Variants in CYP3A4 observed in about 807,000 individuals in gnomAD.
CYP3A4 encodes cytochrome P450 family 3 subfamily A member 4.
In CYP3A4, 41 loss-of-function variants were observed where a neutral mutation model predicts 54.9. That is an observed-to-expected ratio of 0.75 (90% CI 0.58 to 0.97). The LOEUF is 0.97. Among genes scored for constraint, CYP3A4 ranks in the 50% least tolerant of loss-of-function variants. The pLI is 0.00. For missense variants in CYP3A4, 510 were observed against 597.3 expected (o/e 0.85, Z 1.52); for synonymous variants, 179 against 205.2 (o/e 0.87, Z 1.09).
chr7:99,762,534 A>ATG (rs1270861836), intron 10 of CYP3A4, among the ~76,000 whole-genome samples: 48 of 151,728 alleles, frequency 3.2e-4, no homozygotes, highest in Admixed American at 8.5e-4. Context: ...CCGTGTATAT[A>ATG]TGTCTATATA....
chr7:99,777,878 T>C (rs1238585702), intron 3 of CYP3A4, 150 bp downstream of exon 3: 2 of 700,402 alleles, frequency 2.9e-6, no homozygotes, highest in South Asian at 1.7e-5. Context: ...CAAATAAATA[T>C]CTTCTTCTTT....
intron 1 of CYP3A4, 165 bp from the exon 2 acceptor site, chr7:99,780,250 G>A: frequency 1.5e-6 from 1 of 672,884 alleles, no homozygotes; most frequent in Non-Finnish European, 2.5e-6. Context: ...TGTTCATCAG[G>A]TCCTTTCCTG....
At chr7:99,770,014 C>G (rs1815587875) in intron 5 of CYP3A4, 108 bp downstream of exon 5, 2 of 1,524,960 alleles carry the variant, frequency 1.3e-6, no homozygotes, top group Non-Finnish European at 1.8e-6. Context: ...TTAGGCAGCT[C>G]AAATTCAGTG....
At position 99,772,572 on chromosome 7, in the gene CYP3A4, C is replaced by G. The variant is rs755118922; in HGVS notation, c.318+18G>C. 6.2e-7 allele frequency: 1 copy of G among 1,611,128 alleles called. No homozygotes were observed. Among genetic ancestry groups the G allele is most frequent in the Non-Finnish European group, 8.5e-7 (1 of 1,179,008 alleles). On this transcript the variant is annotated intron_variant, in intron 4 of 12. Coordinates refer to ENST00000651514, the MANE Select transcript of CYP3A4 (RefSeq NM_017460.6). ...ATTTAATCAATCAGTATTTTAATTTCAACACATGAATGCTTACCCTCCGGT... is the reference window on the plus strand; with the variant it reads ...ATTTAATCAATCAGTATTTTAATTTGAACACATGAATGCTTACCCTCCGGT...
intron 1 of CYP3A4, among the ~76,000 whole-genome samples, chr7:99,782,546 A>C (rs1323552573): frequency 6.6e-6 from 1 of 152,158 alleles, no homozygotes; most frequent in Non-Finnish European, 1.5e-5. Flanking sequence ...CCACACACAG[A>C]GTGACACAGA....
chr7:99,772,746 C>T, intron 3 of CYP3A4, 57 bp from the exon 4 acceptor site: 3 of 1,581,072 alleles, frequency 1.9e-6, no homozygotes, highest in African/African-American at 1.3e-5. Context: ...ACAGCTGGAG[C>T]CCAACCCAGG....
At chr7:99,773,924 A>T (rs1319489492) in intron 3 of CYP3A4, among the ~76,000 whole-genome samples, 1 of 152,186 alleles carries the variant, frequency 6.6e-6, no homozygotes, top group East Asian at 1.9e-4. Context: ...TTTTTGAAAA[A>T]GGTCAACAAA....
chr7:99,771,900 C>G (rs140728632), intron 4 of CYP3A4, among the ~76,000 whole-genome samples: 2 of 152,020 alleles, frequency 1.3e-5, no homozygotes, highest in African/African-American at 4.8e-5. Context: ...AAAAAATGAA[C>G]CTTGATCTAA....
rs780010841 is a variant in CYP3A4, at chr7:99,758,177, C to A, written c.1468G>T (p.Val490Phe). 9.9e-6 allele frequency: 16 copies of A among 1,613,886 alleles called. No homozygotes were observed. The highest frequency in any genetic ancestry group is 6.7e-5 in the African/African-American group (5 of 74,914). The change falls in exon 13 of 13, where the codon GTT becomes TTT. Residue 490 changes from valine to phenylalanine, a missense_variant. Physicochemically the swap from Val to Phe is conservative, Grantham distance 50. This residue lies in a region of CYP3A4 where 238 missense variants were observed against 322.5 expected (regional missense o/e 0.74). Coordinates refer to ENST00000651514, the MANE Select transcript of CYP3A4 (RefSeq NM_017460.6). Reference protein sequence around the residue: ...GGLLQPEKPVVLKVESRDGTV... With the variant: ...GGLLQPEKPVFLKVESRDGTV... ...CCATCCCTTGACTCAACCTTTAGAA[C>A]AACGGGTTTTTCTGGTTGAAGAAGT... is the stretch of plus-strand genomic sequence containing the variant.
At chr7:99,772,461 G>C (rs1815658816) in intron 4 of CYP3A4, 129 bp downstream of exon 4, 3 of 1,092,192 alleles carry the variant, frequency 2.7e-6, no homozygotes, top group Non-Finnish European at 2.7e-6. Context: ...TTACCATTCG[G>C]GGGGGACAGG....
In CYP3A4 at chr7:99,760,962, C is replaced by T. The variant is rs1255063815; in HGVS notation, c.1273G>A (p.Asp425Asn). The change falls in exon 12 of 13, where the codon GAC becomes AAC. Residue 425 changes from aspartate to asparagine, a missense_variant. Transcript: ENST00000651514. ...GTGTATATGTAAGGATCTATGTTGT[C>T]CTTGTTCTTCTTGCTGAATCTGGTT... ...LPERFSKKNK[D>N]NIDPYIYTPF... 6.2e-7 allele frequency: 1 copy of T among 1,613,310 alleles called. No individual in the cohort carries two copies. The highest frequency in any genetic ancestry group is 2.2e-5 in the East Asian group (1 of 44,858).
rs138675831 is a variant in CYP3A4 at position 99,763,995 on chromosome 7, C to A, written c.886G>T (p.Val296Leu). ...SHKALSDLEL[V>L]AQSIIFIFAG... is the part of the protein sequence containing the mutation. ...AAAATAAAGATAATTGATTGGGCCA[C>A]GAGCTCCAGATCGGACAGAGCTGAA... is the stretch of plus-strand genomic sequence containing the variant. Residue 296 changes from valine (V) to leucine (L), a missense_variant, in exon 10 of 13, where the codon GTG (valine) becomes TTG (leucine). Physicochemically the swap from Val to Leu is conservative, Grantham distance 32. Transcript: ENST00000651514. The A allele has an allele frequency of 6.2e-7, 1 of 1,613,744 alleles. No homozygotes were observed. Among genetic ancestry groups the A allele is most frequent in the African/African-American group, 1.3e-5 (1 of 74,872 alleles).
At chr7:99,772,767 T>C in intron 3 of CYP3A4, 78 bp from the exon 4 acceptor site, 1 of 1,454,282 alleles carries the variant, frequency 6.9e-7, no homozygotes, top group South Asian at 1.2e-5. Flanking sequence ...AAGCCAGACT[T>C]TGATCCTGAC....
intron 1 of CYP3A4, 35 bp from the exon 2 acceptor site, chr7:99,780,120 T>G (rs1197098226): frequency 2.5e-6 from 4 of 1,593,634 alleles, no homozygotes; most frequent in African/African-American, 2.7e-5. Flanking sequence ...TCACAGCGAT[T>G]GTGACTTTAT....
chr7:99,777,810 C>T (rs1221794626), intron 3 of CYP3A4, among the ~76,000 whole-genome samples: 1 of 152,056 alleles, frequency 6.6e-6, no homozygotes, highest in East Asian at 1.9e-4. Context: ...GCTTTACTTC[C>T]CTGAATTTGC....
intron 3 of CYP3A4, among the ~76,000 whole-genome samples, chr7:99,774,916 A>C (rs183089029): frequency 4.9e-4 from 74 of 152,308 alleles, no homozygotes; most frequent in Admixed American, 2.0e-3. Flanking sequence ...TTTGCAGATG[A>C]CATGATTGTA....
chr7:99,781,316 C>A (rs1252423981), intron 1 of CYP3A4, among the ~76,000 whole-genome samples: 1 of 152,128 alleles, frequency 6.6e-6, no homozygotes, highest in Non-Finnish European at 1.5e-5. Context: ...TTTATAAATA[C>A]CCAGACTCTG....
Position 99,764,508 on chromosome 7 carries a change from T to C in CYP3A4, c.866-493A>G, listed in dbSNP as rs148446343. Among the ~76,000 whole-genome samples the C allele has an allele frequency of 1.7e-3, 252 of 152,312 alleles. 1 individual carries two copies. Among genetic ancestry groups the C allele is most frequent in the Non-Finnish European group, 2.6e-3 (177 of 68,042 alleles). ...CAAAGGACGTTTCCCGAAGATATGT[T>C]TGAGGGAACTTAAGGGACCAATATT... On this transcript the variant is annotated intron_variant, in intron 9 of 12. Transcript: ENST00000651514.
Position 99,768,467 on chromosome 7 carries a change from C to CTAG in CYP3A4, c.554_556dup (p.Thr185dup), listed in dbSNP as rs1815536038. 6.2e-7 allele frequency: 1 copy of CTAG among 1,613,856 alleles called. No homozygotes were observed. ...GTCGATGTTCACTCCAAATGATGTG[C>CTAG]TAGTGATCACATCCATGCTGTAGGC... On this transcript the variant is annotated inframe_insertion, in exon 7 of 13. Coordinates refer to ENST00000651514, the MANE Select transcript of CYP3A4 (RefSeq NM_017460.6).
Sources: allele counts gnomAD v4.1 joint callset (sites outside exome capture counted in the v4.1 genomes callset), GRCh38; gene constraint gnomAD v4.1.1; regional missense constraint gnomAD v4.1.1; transcripts MANE v1.5; gene names NCBI Gene and HGNC (gene_info 2026-07-23, HGNC 2026-07-21).